Variants in TXLNB observed in about 807,000 individuals in gnomAD.
TXLNB encodes taxilin beta, also known as beta-taxilin.
In TXLNB, 37 loss-of-function variants were observed where a neutral mutation model predicts 57.4. That is an observed-to-expected ratio of 0.64 (90% CI 0.50 to 0.85). The LOEUF is 0.85. Among genes scored for constraint, TXLNB ranks in the 40% least tolerant of loss-of-function variants. The pLI, the probability that TXLNB is intolerant of heterozygous loss-of-function variation, is 0.00. For synonymous variants in TXLNB, 302 were observed against 309.6 expected, an observed-to-expected ratio of 0.98 and a Z score of 0.26; for missense variants, 848 against 825.6, an observed-to-expected ratio of 1.03 and a Z score of -0.33.
the TXLNB span, among the ~76,000 whole-genome samples, chr6:139,214,095 AG>A: frequency 3.2e-3 from 481 of 152,342 alleles, no homozygotes; most frequent in Non-Finnish European, 5.9e-3. Context: ...TCCAATCAAT[AG>A]AAAAAGAGGG....
chr6:139,223,182 T>C, the TXLNB span, among the ~76,000 whole-genome samples: 1 of 152,204 alleles, frequency 6.6e-6, no homozygotes, highest in Non-Finnish European at 1.5e-5. Flanking sequence ...ATGTCTAATG[T>C]TTAGAAATGA....
the TXLNB span, among the ~76,000 whole-genome samples, chr6:139,159,693 C>T: frequency 3.3e-5 from 5 of 152,134 alleles, no homozygotes; most frequent in African/African-American, 9.7e-5. Flanking sequence ...CTGGTTGGGT[C>T]ATTCTTTCCT....
chr6:139,289,713 T>C (rs1008612530), intron 1 of TXLNB, among the ~76,000 whole-genome samples: 1 of 152,212 alleles, frequency 6.6e-6, no homozygotes, highest in African/African-American at 2.4e-5. Context: ...CAGTTTGTGT[T>C]ACCATTTTCC....
At chr6:139,193,982 C>T in the TXLNB span, among the ~76,000 whole-genome samples, 2 of 150,454 alleles carry the variant, frequency 1.3e-5, no homozygotes, top group African/African-American at 4.9e-5. Flanking sequence ...GCTGGGACTA[C>T]AGGCGCCCGC....
the TXLNB span, among the ~76,000 whole-genome samples, chr6:139,323,369 G>A: frequency 1.4e-5 from 2 of 147,472 alleles, no homozygotes; most frequent in Admixed American, 7.0e-5. Flanking sequence ...TGCAATCTCC[G>A]CCTCCCGAGT....
chr6:139,217,404 C>A, the TXLNB span, among the ~76,000 whole-genome samples: 3 of 152,082 alleles, frequency 2.0e-5, no homozygotes, highest in African/African-American at 7.2e-5. Context: ...GGAAATATGA[C>A]AACTGAATAT....
chr6:139,275,551 T>G (rs1470268752), intron 3 of TXLNB, among the ~76,000 whole-genome samples: 1 of 152,198 alleles, frequency 6.6e-6, no homozygotes, highest in Non-Finnish European at 1.5e-5. Context: ...AAAAAATAAT[T>G]TAAAAATACT....
chr6:139,297,403 T>G, the TXLNB span, among the ~76,000 whole-genome samples: 12,302 of 152,266 alleles, frequency 0.081, 566 homozygotes, highest in African/African-American at 0.11. Context: ...GTTCTTTCTT[T>G]CAGGAATACT....
At chr6:139,227,446 G>T in the TXLNB span, among the ~76,000 whole-genome samples, 1 of 152,088 alleles carries the variant, frequency 6.6e-6, no homozygotes, top group Non-Finnish European at 1.5e-5. Context: ...GGAGGACATA[G>T]ATCAATGGGA....
At chr6:139,173,968 C>G in the TXLNB span, among the ~76,000 whole-genome samples, 2 of 152,152 alleles carry the variant, frequency 1.3e-5, no homozygotes, top group African/African-American at 4.8e-5. Context: ...GGACTTGTCA[C>G]AAGAGAGCTT....
At chr6:139,323,380 T>G in the TXLNB span, among the ~76,000 whole-genome samples, 1 of 151,752 alleles carries the variant, frequency 6.6e-6, no homozygotes, top group East Asian at 1.9e-4. Context: ...CCTCCCGAGT[T>G]CAAGCAATTC....
the TXLNB span, among the ~76,000 whole-genome samples, chr6:139,193,840 A>ATTT: frequency 0.076 from 6,443 of 84,986 alleles, 493 homozygotes; most frequent in Non-Finnish European, 0.11. Context: ...ATATATATAT[A>ATTT]TTTTTTTTTT....
At chr6:139,274,494 G>T (rs988479467) in intron 3 of TXLNB, among the ~76,000 whole-genome samples, 1 of 152,138 alleles carries the variant, frequency 6.6e-6, no homozygotes, top group African/African-American at 2.4e-5. Context: ...GATCTCTCAG[G>T]TTCGAAAGTT....
intron 7 of TXLNB, among the ~76,000 whole-genome samples, chr6:139,249,448 C>T (rs1407572950): frequency 6.6e-6 from 1 of 152,178 alleles, no homozygotes; most frequent in Non-Finnish European, 1.5e-5. Context: ...AGCAGACTTG[C>T]AGCATCCGTC....
chr6:139,273,533 A>G (rs1446154857), intron 3 of TXLNB, among the ~76,000 whole-genome samples: 1 of 152,322 alleles, frequency 6.6e-6, no homozygotes, highest in East Asian at 1.9e-4. Flanking sequence ...ACAATCATTC[A>G]TAGTTCACTG....
chr6:139,215,281 C>T, the TXLNB span, among the ~76,000 whole-genome samples: 2 of 152,016 alleles, frequency 1.3e-5, no homozygotes, highest in African/African-American at 2.4e-5. Context: ...AACAGAGATA[C>T]AGACCAATGG....
the TXLNB span, among the ~76,000 whole-genome samples, chr6:139,160,931 G>A: frequency 6.6e-6 from 1 of 152,150 alleles, no homozygotes. Flanking sequence ...CTTTACAGAT[G>A]AGGAAACAAA....
At chr6:139,275,592 G>A (rs140136402) in intron 3 of TXLNB, among the ~76,000 whole-genome samples, 62 of 152,278 alleles carry the variant, frequency 4.1e-4, no homozygotes, top group African/African-American at 1.4e-3. Flanking sequence ...AGCCAGTCAC[G>A]CAGAGTTTCA....
At chr6:139,212,456 C>A in the TXLNB span, among the ~76,000 whole-genome samples, 1 of 152,122 alleles carries the variant, frequency 6.6e-6, no homozygotes, top group African/African-American at 2.4e-5. Flanking sequence ...CCAGGCCTGC[C>A]CTAAAAGAGT....
Sources: gnomAD v4.1 joint callset for allele counts (sites outside exome capture counted in the v4.1 genomes callset) on GRCh38, gnomAD v4.1.1 for gene constraint, MANE v1.5 for transcripts, NCBI Gene and HGNC (gene_info 2026-07-23, HGNC 2026-07-21) for gene names.